The following FOXO1 variants were observed in gnomAD, a reference collection of about 807,000 sequenced individuals.
The protein encoded by FOXO1 is forkhead box protein O1.
FOXO1 carries 6 observed loss-of-function variants against 44.1 expected under a neutral mutation model. The ratio of observed to expected loss-of-function variants is 0.14; its 90% CI spans 0.07 to 0.27. FOXO1 has a LOEUF of 0.27. Among genes scored for constraint, FOXO1 ranks in the 10% least tolerant of loss-of-function variants. FOXO1 has a pLI of 1.00. For missense variants in FOXO1, 737 were observed against 888.8 expected, an observed-to-expected ratio of 0.83 and a Z score of 2.17; for synonymous variants, 380 against 362.7, an observed-to-expected ratio of 1.05 and a Z score of -0.54.
intron 1 of FOXO1, among the ~76,000 whole-genome samples, chr13:40,612,494 C>T (rs529637672): frequency 3.3e-5 from 5 of 152,326 alleles, no homozygotes; most frequent in East Asian, 1.9e-4. Context: ...TGTACGTATA[C>T]ACACACGTGC....
intron 1 of FOXO1, among the ~76,000 whole-genome samples, chr13:40,625,599 G>A (rs1054805931): frequency 6.6e-6 from 1 of 151,544 alleles, no homozygotes; most frequent in African/African-American, 2.4e-5. Flanking sequence ...AGTCTAGGCT[G>A]CTCTGCCTTT....
chr13:40,619,711 A>G, intron 1 of FOXO1: 1 of 1,096,350 alleles, frequency 9.1e-7, no homozygotes, highest in Non-Finnish European at 1.4e-6. Flanking sequence ...AAGGGGGAAA[A>G]ATTCAGCTGA....
intron 1 of FOXO1, among the ~76,000 whole-genome samples, chr13:40,648,525 A>C (rs1477934795): frequency 6.6e-6 from 1 of 152,250 alleles, no homozygotes; most frequent in Non-Finnish European, 1.5e-5. Context: ...TTCCATAAAA[A>C]GCATGTGCAT....
intron 1 of FOXO1, 32 bp downstream of exon 1, chr13:40,665,551 C>T: frequency 7.4e-7 from 1 of 1,356,444 alleles, no homozygotes; most frequent in Non-Finnish European, 9.6e-7. Context: ...CACCGCGCCC[C>T]CAAGGTCCGG....
chr13:40,585,014 T>C (rs963151865), intron 1 of FOXO1, among the ~76,000 whole-genome samples: 19 of 152,242 alleles, frequency 1.2e-4, no homozygotes, highest in Admixed American at 1.0e-3. Flanking sequence ...AAGAGGAAGA[T>C]GAAGTCCCAG....
rs1376898246 is a variant in FOXO1 at position 40,556,220 on chromosome 13, G to A, written c.*2829C>T. ...TCCAATTTGTATATCGTTGGAGAAT[G>A]ATTTCCATTTTAAGCATCCTTATCC... On this transcript the variant is annotated 3_prime_UTR_variant, in exon 3 of 3. Coordinates refer to ENST00000379561, the MANE Select transcript of FOXO1 (RefSeq NM_002015.4). 6.6e-6 allele frequency: 1 copy of A among 152,354 alleles called. No individual in the cohort carries two copies. Among genetic ancestry groups the A allele is most frequent in the Non-Finnish European group, 1.5e-5 (1 of 68,042 alleles). The allele number at this position is 152,354 out of a possible 1,614,324, so 9.4% of individuals were successfully genotyped here. A position where few individuals can be genotyped will look rare whatever the true frequency, so the allele number is the denominator to read the frequency against.
intron 1 of FOXO1, among the ~76,000 whole-genome samples, chr13:40,663,672 G>A: frequency 6.6e-6 from 1 of 152,220 alleles, no homozygotes; most frequent in South Asian, 2.1e-4. Flanking sequence ...AATATATGCT[G>A]AACTTAACGG....
At chr13:40,619,398 T>G in intron 1 of FOXO1, 1 of 794,848 alleles carries the variant, frequency 1.3e-6, no homozygotes, top group Non-Finnish European at 2.2e-6. Context: ...TGAACACCTT[T>G]CGGGGCACAG....
intron 1 of FOXO1, among the ~76,000 whole-genome samples, chr13:40,640,016 C>T (rs1376817473): frequency 2.6e-5 from 4 of 152,226 alleles, no homozygotes; most frequent in Non-Finnish European, 4.4e-5. Flanking sequence ...GTTAAACAAG[C>T]TTGAACGGAT....
At chr13:40,590,864 TCA>T (rs1374777116) in intron 1 of FOXO1, among the ~76,000 whole-genome samples, 2 of 152,164 alleles carry the variant, frequency 1.3e-5, no homozygotes, top group Non-Finnish European at 2.9e-5. Flanking sequence ...ATTGTTCACA[TCA>T]CAATGTTTCA....
intron 1 of FOXO1, among the ~76,000 whole-genome samples, chr13:40,658,858 A>C (rs1490277360): frequency 1.3e-5 from 2 of 152,052 alleles, no homozygotes; most frequent in East Asian, 3.9e-4. Context: ...AAATACAAAA[A>C]AAAATTAGCC....
rs529228622 is a variant in FOXO1, at chr13:40,634,626, G to A, written c.630+30957C>T. Among the ~76,000 whole-genome samples the A allele has an allele frequency of 3.1e-4, 47 of 152,176 alleles. No individual in the cohort carries two copies. In the South Asian group the frequency reaches 9.3e-3, roughly 30 times the overall value. On this transcript the variant is annotated intron_variant, in intron 1 of 2. Coordinates refer to ENST00000379561, the MANE Select transcript of FOXO1 (RefSeq NM_002015.4). ...CACTGCATTCCAGCCTGGGCAGCAG[G>A]GCAAGACCCTGTCTCGACAACAACA...
chr13:40,600,808 C>G (rs1875790414), intron 1 of FOXO1, among the ~76,000 whole-genome samples: 1 of 152,124 alleles, frequency 6.6e-6, no homozygotes, highest in Non-Finnish European at 1.5e-5. Flanking sequence ...TCAAGGCAAT[C>G]CAATAAACTG....
At chr13:40,608,493 A>G (rs1876105629) in intron 1 of FOXO1, among the ~76,000 whole-genome samples, 1 of 152,214 alleles carries the variant, frequency 6.6e-6, no homozygotes, top group Admixed American at 6.5e-5. Context: ...TGCCACTGAG[A>G]CTTTTGGGGT....
chr13:40,651,630 T>A (rs931528054), intron 1 of FOXO1, among the ~76,000 whole-genome samples: 3 of 151,948 alleles, frequency 2.0e-5, no homozygotes, highest in Non-Finnish European at 4.4e-5. Context: ...CAGAAAGACT[T>A]CATGTTAATA....
intron 1 of FOXO1, among the ~76,000 whole-genome samples, chr13:40,621,937 C>G (rs1160134011): frequency 1.3e-5 from 2 of 152,140 alleles, no homozygotes; most frequent in Non-Finnish European, 2.9e-5. Flanking sequence ...TGGGCTAATA[C>G]TGCGTATGGC....
At position 40,662,808 on chromosome 13, in the gene FOXO1, A is replaced by G. The variant is rs530038902; in HGVS notation, c.630+2775T>C. Among the ~76,000 whole-genome samples the G allele has an allele frequency of 4.6e-5, 7 of 152,324 alleles. No homozygotes were observed. In the South Asian group the frequency reaches 1.0e-3, roughly 23 times the overall value. ...AAAGCAACCTCTCCTCGGTCCTAAA[A>G]CAGTTAAGTTTTGGTTGCTTTGCAT... On this transcript the variant is annotated intron_variant, in intron 1 of 2. Coordinates refer to ENST00000379561, the MANE Select transcript of FOXO1 (RefSeq NM_002015.4).
intron 1 of FOXO1, among the ~76,000 whole-genome samples, chr13:40,623,697 T>C (rs1369243467): frequency 1.3e-5 from 2 of 152,074 alleles, no homozygotes; most frequent in African/African-American, 2.4e-5. Context: ...CTGGCCACAC[T>C]ATATCTGGAG....
At chr13:40,585,159 T>C (rs1274457355) in intron 1 of FOXO1, among the ~76,000 whole-genome samples, 1 of 152,158 alleles carries the variant, frequency 6.6e-6, no homozygotes, top group African/African-American at 2.4e-5. Flanking sequence ...AAAACACAAC[T>C]GTAATCTTAC....
Sources: gnomAD v4.1 joint callset for allele counts (sites outside exome capture counted in the v4.1 genomes callset) on GRCh38, gnomAD v4.1.1 for gene constraint, MANE v1.5 for transcripts, NCBI Gene and HGNC (gene_info 2026-07-23, HGNC 2026-07-21) for gene names.